FOXK1: variants seen among roughly 807,000 people sequenced by gnomAD.
FOXK1 encodes the protein forkhead box protein K1.
Under a neutral mutation model 51.9 loss-of-function variants are expected in FOXK1, and 19 were observed. That is an observed-to-expected ratio of 0.37 (90% CI 0.26 to 0.54). The LOEUF is 0.54. Ranked by LOEUF, FOXK1 falls within the 20% of genes least tolerant of loss-of-function variation. The pLI is 0.87. For synonymous variants in FOXK1, 537 were observed against 482.6 expected, an observed-to-expected ratio of 1.11 and a Z score of -1.48; for missense variants, 870 against 1,032.7, an observed-to-expected ratio of 0.84 and a Z score of 2.16.
Position 4,723,444 on chromosome 7 carries a change from CATCTTGGAATA to C in FOXK1, c.561-17387_561-17377del. On this transcript the variant is annotated intron_variant, in intron 1 of 8. Coordinates refer to ENST00000328914, the MANE Select transcript of FOXK1 (RefSeq NM_001037165.2). The surrounding 1 kb of genome is among the most constrained non-coding windows in gnomAD (Gnocchi z 4.7). ...AAATTTGCCTTCTTCCTTCAGGGAC[CATCTTGGAATA>C]ATCTTGCTCAGCTGAATAATGTTGC... is the stretch of plus-strand genomic sequence containing the variant. Among the ~76,000 whole-genome samples the C allele has an allele frequency of 6.6e-6, 1 of 152,040 alleles. No homozygotes were observed. The highest frequency in any genetic ancestry group is 3.4e-3 in the Middle Eastern group (1 of 294).
chr7:4,711,295 T>A lies in FOXK1; in HGVS notation c.560+28427T>A, dbSNP rs995210179. 2.6e-5 allele frequency among the ~76,000 whole-genome samples: 4 copies of A among 152,140 alleles called. 1 individual carries two copies. In the South Asian group the frequency reaches 8.3e-4, roughly 32 times the overall value. On this transcript the variant is annotated intron_variant, in intron 1 of 8. Coordinates refer to ENST00000328914, the MANE Select transcript of FOXK1 (RefSeq NM_001037165.2). The surrounding 1 kb of genome is among the most constrained non-coding windows in gnomAD (Gnocchi z 6.3). The stretch of plus-strand genomic sequence containing the variant: ...GGCTGAGTGTCCTGGGAAGCGTCCA[T>A]GGGATGTATCAGTCAGGGAGGCTGG...
chr7:4,695,530 C>T (rs1342716866), intron 1 of FOXK1, among the ~76,000 whole-genome samples: 3 of 152,156 alleles, frequency 2.0e-5, no homozygotes, highest in Non-Finnish European at 2.9e-5. Context: ...CAAGGCGGGG[C>T]GCGGTGGCTC....
At position 4,715,356 on chromosome 7, in the gene FOXK1, A is replaced by C. The variant is rs1780220999; in HGVS notation, c.561-25482A>C. ...CCGATAGGATCAAGCCCAAGTGTTC[A>C]GGGCGCTCAGCTGTGGGTGGCCCGT... On this transcript the variant is annotated intron_variant, in intron 1 of 8. Transcript: ENST00000328914. The surrounding 1 kb of genome is among the most constrained non-coding windows in gnomAD (Gnocchi z 4.5). 6.6e-6 allele frequency among the ~76,000 whole-genome samples: 1 copy of C among 152,130 alleles called. No homozygotes were observed. The highest frequency in any genetic ancestry group is 1.5e-5 in the Non-Finnish European group (1 of 68,020).
chr7:4,721,288 C>T (rs944266538), intron 1 of FOXK1, among the ~76,000 whole-genome samples: 9 of 152,240 alleles, frequency 5.9e-5, no homozygotes, highest in East Asian at 1.9e-4. Context: ...GGAAACCCCC[C>T]GGAGCTCCCC....
Position 4,730,886 on chromosome 7 carries a change from G to A in FOXK1, c.561-9952G>A, listed in dbSNP as rs928038022. Among the ~76,000 whole-genome samples, 3 of 152,144 alleles carry A rather than the reference G, an allele frequency of 2.0e-5. No homozygotes were observed. The highest frequency in any genetic ancestry group is 7.2e-5 in the African/African-American group (3 of 41,420). On this transcript the variant is annotated intron_variant, in intron 1 of 8. Coordinates refer to ENST00000328914, the MANE Select transcript of FOXK1 (RefSeq NM_001037165.2). The surrounding 1 kb of genome is among the most constrained non-coding windows in gnomAD (Gnocchi z 4.7). ...GTTTCTTTCAAAACCATTTCCTGAG[G>A]ATGGGCGCGGTGGCTCACTCCTGCA...
chr7:4,762,399 G>T lies in FOXK1; in HGVS notation c.2137G>T (p.Ala713Ser), dbSNP rs749664106. The change falls in exon 9 of 9, where the codon GCT (alanine) becomes TCT (serine). Residue 713 changes from alanine to serine, a missense_variant. Physicochemically the swap from Ala to Ser is moderately conservative, Grantham distance 99 (BLOSUM62 1). Around this residue, in one of 3 missense-constraint regions of FOXK1, gnomAD observed 457 missense variants for 510.8 expected, o/e 0.89. Coordinates refer to ENST00000328914, the MANE Select transcript of FOXK1 (RefSeq NM_001037165.2). This position sits in a 1 kb window ranked among gnomAD's most constrained non-coding sequence, Gnocchi z 5.7. ...GTCCCGGGTGGAGGAGCCCAGTGGT[G>T]CTGTAACCACACCGGCTGGAGTGAT... ...KRSRVEEPSG[A>S]VTTPAGVIAA... The T allele has an allele frequency of 1.9e-6, 3 of 1,550,022 alleles. No homozygotes were observed. The Middle Eastern group carries it at 6.7e-4, about 346-fold the overall frequency.
chr7:4,730,375 G>T lies in FOXK1; in HGVS notation c.561-10463G>T, dbSNP rs781521735. ...CCACCCTGCTACCCAGCTTGCCACC[G>T]CTGTCAGCCGTGGGGTTCAGGAGAA... is the stretch of plus-strand genomic sequence containing the variant. On this transcript the variant is annotated intron_variant, in intron 1 of 8. Transcript: ENST00000328914. The surrounding 1 kb of genome is among the most constrained non-coding windows in gnomAD (Gnocchi z 4.7). Among the ~76,000 whole-genome samples the T allele has an allele frequency of 6.6e-6, 1 of 152,174 alleles. No individual in the cohort carries two copies. The highest frequency in any genetic ancestry group is 1.5e-5 in the Non-Finnish European group (1 of 68,024).
chr7:4,697,079 A>G (rs66484385), intron 1 of FOXK1, among the ~76,000 whole-genome samples: 28,645 of 152,068 alleles, frequency 0.19, 4,696 homozygotes, highest in African/African-American at 0.45. Context: ...AATAAGCAAA[A>G]AAAAGAAAAT....
chr7:4,761,172 C>G lies in FOXK1; in HGVS notation c.1805C>G (p.Thr602Ser), dbSNP rs1780927132. Residue 602 changes from threonine to serine, a missense_variant, in exon 8 of 9, where the codon ACC becomes AGC. Coordinates refer to ENST00000328914, the MANE Select transcript of FOXK1 (RefSeq NM_001037165.2). This position sits in a 1 kb window ranked among gnomAD's most constrained non-coding sequence, Gnocchi z 6.2. The part of the protein sequence containing the change: ...MAPGVPGHTV[T>S]ILQPATPVTL... ...CCCGGGGTCCCCGGACACACGGTCA[C>G]CATCCTGCAGCCCGCCACACCCGTG... is the stretch of plus-strand genomic sequence containing the variant. 6.2e-7 allele frequency: 1 copy of G among 1,612,638 alleles called. No individual in the cohort carries two copies. The highest frequency in any genetic ancestry group is 1.3e-5 in the African/African-American group (1 of 74,946).
chr7:4,716,209 A>G (rs1780230671), intron 1 of FOXK1, among the ~76,000 whole-genome samples: 1 of 151,882 alleles, frequency 6.6e-6, no homozygotes, highest in South Asian at 2.1e-4. Context: ...CAACATGTGC[A>G]ACAGAACAAG....
Position 4,756,396 on chromosome 7 carries a change from G to A in FOXK1, c.1051-598G>A, listed in dbSNP as rs928966604. ...TTCCCAAAGTGCTGGGATTACAGGC[G>A]TGAGCCACTGTGCCCGGCCAAGACC... On this transcript the variant is annotated intron_variant, in intron 4 of 8. Transcript: ENST00000328914. This position sits in a 1 kb window ranked among gnomAD's most constrained non-coding sequence, Gnocchi z 4.1. 4.6e-5 allele frequency among the ~76,000 whole-genome samples: 7 copies of A among 152,066 alleles called. No homozygotes were observed. Among genetic ancestry groups the A allele is most frequent in the African/African-American group, 1.2e-4 (5 of 41,510 alleles).
In FOXK1 at chr7:4,729,082, G is replaced by A. The variant is rs1331163862; in HGVS notation, c.561-11756G>A. The stretch of plus-strand genomic sequence containing the variant: ...AGCTCTGCCCGGGTCAGCCCCAGAG[G>A]GTTGCAGAACACTGTGTCTGTGTCC... On this transcript the variant is annotated intron_variant, in intron 1 of 8. Coordinates refer to ENST00000328914, the MANE Select transcript of FOXK1 (RefSeq NM_001037165.2). This position sits in a 1 kb window ranked among gnomAD's most constrained non-coding sequence, Gnocchi z 6.2. 1.3e-5 allele frequency among the ~76,000 whole-genome samples: 2 copies of A among 152,212 alleles called. No homozygotes were observed. Among genetic ancestry groups the A allele is most frequent in the Non-Finnish European group, 2.9e-5 (2 of 68,040 alleles).
chr7:4,757,291 G>T (rs1015491002), intron 5 of FOXK1, 104 bp downstream of exon 5: 1 of 1,066,252 alleles, frequency 9.4e-7, no homozygotes, highest in Non-Finnish European at 1.4e-6. Context: ...GTGGGCTCAG[G>T]CTCAGTGTAC....
chr7:4,726,639 G>A (rs1392790294), intron 1 of FOXK1, among the ~76,000 whole-genome samples: 6 of 151,134 alleles, frequency 4.0e-5, no homozygotes, highest in African/African-American at 1.5e-4. Flanking sequence ...AAAAAACCGT[G>A]CCTGGGCCTT....
rs1780800170 is a variant in FOXK1, at chr7:4,753,121, C to T, written c.747-1338C>T. The stretch of plus-strand genomic sequence containing the variant: ...AGAATGGGAATTCCAGATCAGAGTC[C>T]TTAACGTTCCATGTGGGTGACACTG... On this transcript the variant is annotated intron_variant, in intron 2 of 8. Transcript: ENST00000328914. This position sits in a 1 kb window ranked among gnomAD's most constrained non-coding sequence, Gnocchi z 4.9. Among the ~76,000 whole-genome samples the T allele has an allele frequency of 6.6e-6, 1 of 152,146 alleles. No individual in the cohort carries two copies. Among genetic ancestry groups the T allele is most frequent in the Non-Finnish European group, 1.5e-5 (1 of 68,028 alleles).
At position 4,768,651 on chromosome 7, in the gene FOXK1, A is replaced by C. The variant is rs1204708175; in HGVS notation, c.*6187A>C. 1 of 152,508 alleles carries C rather than the reference A, an allele frequency of 6.6e-6. No homozygotes were observed. The highest frequency in any genetic ancestry group is 1.5e-5 in the Non-Finnish European group (1 of 68,238). 9.4% of individuals were successfully genotyped at this position (152,508 alleles called of 1,614,324 possible). A position where few individuals can be genotyped will look rare whatever the true frequency, so the allele number is the denominator to read the frequency against. ...GCTAGGCCTGCCATGCACCATGAGC[A>C]GGGGTGCTACCTGGGTGTGTGAAGT... is the stretch of plus-strand genomic sequence containing the variant. On this transcript the variant is annotated 3_prime_UTR_variant, in exon 9 of 9. Transcript: ENST00000328914.
chr7:4,737,624 G>A (rs535416559), intron 1 of FOXK1, among the ~76,000 whole-genome samples: 110 of 152,080 alleles, frequency 7.2e-4, no homozygotes, highest in African/African-American at 2.5e-3. Context: ...CAGCACCGTC[G>A]TTCACAGCTG....
intron 1 of FOXK1, among the ~76,000 whole-genome samples, chr7:4,726,343 C>T (rs1437684166): frequency 2.0e-5 from 3 of 152,294 alleles, no homozygotes; most frequent in South Asian, 4.1e-4. Flanking sequence ...GGATTCTGCC[C>T]TCTGCTTCTG....
chr7:4,697,298 G>A (rs1342815638), intron 1 of FOXK1, among the ~76,000 whole-genome samples: 1 of 152,060 alleles, frequency 6.6e-6, no homozygotes, highest in African/African-American at 2.4e-5. Flanking sequence ...AAGGCAACGT[G>A]CTCAGGAAGA....
Sources: allele counts gnomAD v4.1 joint callset (sites outside exome capture counted in the v4.1 genomes callset), GRCh38; gene constraint gnomAD v4.1.1; regional missense constraint gnomAD v4.1.1; non-coding constraint Gnocchi (gnomAD v3.1); transcripts MANE v1.5; gene names NCBI Gene and HGNC (gene_info 2026-07-23, HGNC 2026-07-21).